AIFM1: variants seen among roughly 807,000 people sequenced by gnomAD.
AIFM1 encodes the protein apoptosis-inducing factor 1, mitochondrial.
Under a neutral mutation model 51.7 loss-of-function variants are expected in AIFM1, and 3 were observed. The ratio of observed to expected loss-of-function variants is 0.06; its 90% CI spans 0.03 to 0.15. The LOEUF (loss-of-function observed/expected upper bound fraction) is 0.15, where lower values mean the gene tolerates loss of function less well. Ranked by LOEUF, AIFM1 falls within the 10% of genes least tolerant of loss-of-function variation. AIFM1 has a pLI of 1.00. For missense variants in AIFM1, 330 were observed against 476.8 expected, an observed-to-expected ratio of 0.69 and a Z score of 2.87; for synonymous variants, 178 against 179.4, an observed-to-expected ratio of 0.99 and a Z score of 0.06.
chrX:130,133,061 C>T (rs975238583), intron 13 of AIFM1, among the ~76,000 whole-genome samples: 4 of 111,606 alleles, frequency 3.6e-5, no homozygotes, highest in Non-Finnish European at 5.6e-5. Flanking sequence ...GTCTAACATA[C>T]GCCAGACAGA....
At chrX:130,164,109 A>G (rs2031449109) in intron 1 of AIFM1, among the ~76,000 whole-genome samples, 2 of 106,255 alleles carry the variant, frequency 1.9e-5, no homozygotes, top group South Asian at 8.6e-4. Context: ...CGGAGATTGC[A>G]GTGAGCCGAG....
At chrX:130,159,406 C>T (rs1404297433) in intron 1 of AIFM1, among the ~76,000 whole-genome samples, 1 of 111,592 alleles carries the variant, frequency 9.0e-6, no homozygotes, top group East Asian at 2.8e-4. Flanking sequence ...AAAACGTGAG[C>T]GGGGCAGAAA....
intron 2 of AIFM1, among the ~76,000 whole-genome samples, chrX:130,155,513 GAACT>G (rs747199696): frequency 3.1e-4 from 35 of 112,528 alleles, no homozygotes; most frequent in Non-Finnish European, 5.1e-4. Flanking sequence ...CAATAGGCAA[GAACT>G]ATCTACTTTT....
Position 130,131,727 on chromosome X carries a change from A to C in AIFM1, c.1521T>G (p.Val507=), listed in dbSNP as rs1382245600. Residue 507 remains valine (V), a synonymous_variant, in exon 14 of 16, where the codon GTT becomes GTG. Coordinates refer to ENST00000287295, the MANE Select transcript of AIFM1 (RefSeq NM_004208.4). ...TGTCTTGTGCAGTTGCTTTTGCAAA[A>C]ACACCAACTGTGGGCAAACTACTGT... ...LVDSSLPTVG[V]FAKATAQDNP... 1 of 1,211,917 alleles carries C rather than the reference A, an allele frequency of 8.3e-7. No homozygotes were observed.
At chrX:130,156,348 T>C (rs2031161712) in intron 2 of AIFM1, 113 bp downstream of exon 2, 3 of 1,058,081 alleles carry the variant, frequency 2.8e-6, no homozygotes, top group Non-Finnish European at 3.9e-6. Flanking sequence ...TTTGAAAATT[T>C]TTCCAAAAGG....
chrX:130,163,884 G>A (rs209541), intron 1 of AIFM1, among the ~76,000 whole-genome samples: 52,384 of 108,521 alleles, frequency 0.48, 9,938 homozygotes, highest in African/African-American at 0.67. Context: ...CGCCGGGCGC[G>A]GTGGCTCACG....
chrX:130,142,125 G>A (rs2030598301), intron 6 of AIFM1, among the ~76,000 whole-genome samples: 1 of 112,067 alleles, frequency 8.9e-6, no homozygotes, highest in African/African-American at 3.2e-5. Flanking sequence ...TGCTTTCAGA[G>A]TTTAGTGGCC....
rs1035999170 is a variant in AIFM1, at chrX:130,140,463, T to C, written c.781+70A>G. ...TTTTCTTAAGTAGTAATGCCTTCCA[T>C]AGAGAAGGCTGGACTCTAAAACTTG... On this transcript the variant is annotated intron_variant, in intron 7 of 15. Transcript: ENST00000287295. 4.2e-5 allele frequency: 38 copies of C among 913,148 alleles called. No homozygotes were observed. The Middle Eastern group carries it at 2.1e-3, about 50-fold the overall frequency. The allele number at this position is 913,148 out of a possible 1,213,427, so 75.3% of individuals were successfully genotyped here.
chrX:130,142,008 C>T (rs182015858), intron 6 of AIFM1, among the ~76,000 whole-genome samples: 1 of 111,889 alleles, frequency 8.9e-6, no homozygotes. Context: ...AGAGCTTGAG[C>T]TTTGGAGTCA....
intron 12 of AIFM1, among the ~76,000 whole-genome samples, 153 bp downstream of exon 12, chrX:130,135,892 A>G (rs912228850): frequency 8.9e-6 from 1 of 112,117 alleles, no homozygotes; most frequent in Non-Finnish European, 1.9e-5. Context: ...TTCTGAATCA[A>G]GCAGTTCACA....
intron 2 of AIFM1, among the ~76,000 whole-genome samples, chrX:130,152,711 G>C (rs1248096932): frequency 8.9e-6 from 1 of 111,931 alleles, no homozygotes; most frequent in Non-Finnish European, 1.9e-5. Context: ...CAGGTCCTAG[G>C]GAAAGTTACC....
intron 1 of AIFM1, among the ~76,000 whole-genome samples, chrX:130,165,109 C>T (rs1419184925): frequency 9.1e-6 from 1 of 110,308 alleles, no homozygotes; most frequent in Non-Finnish European, 1.9e-5. Flanking sequence ...ATCCATGGAT[C>T]TCATCTGTGG....
At chrX:130,162,901 T>G (rs2031397212) in intron 1 of AIFM1, among the ~76,000 whole-genome samples, 1 of 111,960 alleles carries the variant, frequency 8.9e-6, no homozygotes, top group Non-Finnish European at 1.9e-5. Flanking sequence ...ATGAGTTACC[T>G]TCAATCATCT....
chrX:130,149,889 A>G (rs1177899683), intron 2 of AIFM1, among the ~76,000 whole-genome samples: 2 of 112,331 alleles, frequency 1.8e-5, no homozygotes, highest in Non-Finnish European at 3.8e-5. Context: ...TAGAAGAATA[A>G]AGTGCTAGAA....
chrX:130,142,003 T>C (rs1335045898), intron 6 of AIFM1, among the ~76,000 whole-genome samples: 1 of 111,931 alleles, frequency 8.9e-6, no homozygotes, highest in South Asian at 3.7e-4. Context: ...GGTTAAGAGC[T>C]TGAGCTTTGG....
intron 1 of AIFM1, among the ~76,000 whole-genome samples, chrX:130,160,834 C>T (rs1438557522): frequency 3.7e-5 from 4 of 108,606 alleles, no homozygotes; most frequent in Non-Finnish European, 7.6e-5. Context: ...CTTGAGACCA[C>T]GAGTTTGAGA....
At chrX:130,150,820 CA>C (rs1221627901) in intron 2 of AIFM1, among the ~76,000 whole-genome samples, 5 of 102,217 alleles carry the variant, frequency 4.9e-5, no homozygotes, top group Non-Finnish European at 9.9e-5. Context: ...ACTAAAAATA[CA>C]AAAATTAGCT....
chrX:130,155,396 T>TA, intron 2 of AIFM1: 1 of 964,898 alleles, frequency 1.0e-6, no homozygotes, highest in Non-Finnish European at 1.4e-6. Context: ...TACCCTGTGC[T>TA]AAAAAAGGAA....
chrX:130,142,280 G>C (rs981874134), intron 6 of AIFM1, among the ~76,000 whole-genome samples: 21 of 111,841 alleles, frequency 1.9e-4, no homozygotes, highest in African/African-American at 6.8e-4. Flanking sequence ...GCAATGACAT[G>C]AACTGAGATC....
Sources: allele counts gnomAD v4.1 joint callset (sites outside exome capture counted in the v4.1 genomes callset), GRCh38; gene constraint gnomAD v4.1.1; transcripts MANE v1.5; gene names NCBI Gene and HGNC (gene_info 2026-07-23, HGNC 2026-07-21).